Variants in NFATC4 observed in about 807,000 individuals in gnomAD.
The protein encoded by NFATC4 is nuclear factor of activated T-cells, cytoplasmic 4.
A neutral mutation model predicts 73.4 loss-of-function variants in NFATC4; 25 were observed. The observed-to-expected ratio is 0.34, with a 90% CI of 0.25 to 0.48. The LOEUF (loss-of-function observed/expected upper bound fraction) is 0.48. Among genes scored for constraint, NFATC4 ranks in the 20% least tolerant of loss-of-function variants. NFATC4 has a pLI of 0.99. For missense variants in NFATC4, 1,130 were observed against 1,203.7 expected (o/e 0.94, Z 0.91); for synonymous variants, 523 against 510.3 (o/e 1.02, Z -0.34).
At chr14:24,367,231 CT>C, upstream of NFATC4, 1 of 1,611,750 alleles carries the variant, frequency 6.2e-7, no homozygotes, top group East Asian at 2.2e-5. Context: ...GGTGTCCAGC[CT>C]GTTGGGGGCG....
In NFATC4 at chr14:24,377,196, C is replaced by T. The variant is rs891275217; in HGVS notation, c.2641+318C>T. Reference sequence around the variant, plus strand: ...AGCGCATTCAATTTGCAAGTTTAGGCGTTGAGTTCCAGAGAGGGATGGTAG... The same window carrying T: ...AGCGCATTCAATTTGCAAGTTTAGGTGTTGAGTTCCAGAGAGGGATGGTAG... On this transcript the variant is annotated intron_variant, in intron 9 of 9. Coordinates refer to ENST00000250373, the MANE Select transcript of NFATC4 (RefSeq NM_004554.5). This position sits in a 1 kb window ranked among gnomAD's most constrained non-coding sequence, Gnocchi z 4.2. 72 of 1,267,404 alleles carry T rather than the reference C, an allele frequency of 5.7e-5. No homozygotes were observed. Among genetic ancestry groups the T allele is most frequent in the Non-Finnish European group, 6.9e-5 (70 of 1,008,746 alleles). 78.5% of individuals were successfully genotyped at this position (1,267,404 alleles called of 1,614,324 possible). A position where few individuals can be genotyped will look rare whatever the true frequency, so the allele number is the denominator to read the frequency against.
In NFATC4 at chr14:24,369,545, A is replaced by G. The variant is rs534010415; in HGVS notation, c.147A>G (p.Gly49=). The G allele has an allele frequency of 6.2e-7, 1 of 1,609,878 alleles. No individual in the cohort carries two copies. The highest frequency in any genetic ancestry group is 1.7e-5 in the Admixed American group (1 of 59,864). ...CGCCATGCTGCCGTCTGGCCTTGGG[A>G]GAGCCCCCTCCCTATGGCGCTGCAC... The part of the protein sequence containing the change: ...DAPPCCRLAL[G]EPPPYGAAPI... Residue 49 remains glycine, a synonymous_variant, in exon 2 of 10, where the codon GGA becomes GGG. Coordinates refer to ENST00000250373, the MANE Select transcript of NFATC4 (RefSeq NM_004554.5).
chr14:24,374,202 G>A, intron 5 of NFATC4, 124 bp from the exon 6 acceptor site: 1 of 1,209,200 alleles, frequency 8.3e-7, no homozygotes, highest in Non-Finnish European at 1.2e-6. Context: ...GTTTATTTGT[G>A]TGTCTACTGC....
At chr14:24,374,021 C>T (rs776251655) in intron 5 of NFATC4, 154 bp downstream of exon 5, 11 of 1,164,380 alleles carry the variant, frequency 9.4e-6, no homozygotes, top group Non-Finnish European at 1.4e-5. Context: ...TCTAGTTTGC[C>T]CCTGCCACAG....
At chr14:24,367,169 T>C (rs1201323847), upstream of NFATC4, 1 of 1,613,692 alleles carries the variant, frequency 6.2e-7, no homozygotes, top group Non-Finnish European at 8.5e-7. Flanking sequence ...CAAGCCTGAC[T>C]TTCCCGGAAA....
intron 1 of NFATC4, chr14:24,369,188 A>C: frequency 6.6e-7 from 1 of 1,515,658 alleles, no homozygotes; most frequent in Non-Finnish European, 8.8e-7. Context: ...CCAGTGCCTC[A>C]AGAAACACGC....
chr14:24,377,445 T>C lies in NFATC4; in HGVS notation c.2642-193T>C. ...TGCCTGGGAGCCCACATGGAGGGAG[T>C]TGGGCAAGATTTGATTCGGAGCAGG... On this transcript the variant is annotated intron_variant, in intron 9 of 9. Coordinates refer to ENST00000250373, the MANE Select transcript of NFATC4 (RefSeq NM_004554.5). The surrounding 1 kb of genome is among the most constrained non-coding windows in gnomAD (Gnocchi z 4.2). 7.0e-7 allele frequency: 1 copy of C among 1,420,936 alleles called. No homozygotes were observed. The highest frequency in any genetic ancestry group is 9.2e-7 in the Non-Finnish European group (1 of 1,090,436). 88.0% of individuals were successfully genotyped at this position (1,420,936 alleles called of 1,614,324 possible). A position where few individuals can be genotyped will look rare whatever the true frequency, so the allele number is the denominator to read the frequency against.
In NFATC4 at chr14:24,377,875, C is replaced by A. The variant is rs1459437787; in HGVS notation, c.*170C>A. On this transcript the variant is annotated 3_prime_UTR_variant, in exon 10 of 10. Coordinates refer to ENST00000250373, the MANE Select transcript of NFATC4 (RefSeq NM_004554.5). The surrounding 1 kb of genome is among the most constrained non-coding windows in gnomAD (Gnocchi z 4.2). Reference sequence around the variant, plus strand: ...CTCCCCTCCCCCAGCTGAGGTGTGGCCCTCAGGCCTGGTGCTGCCTTGGAG... The same window carrying A: ...CTCCCCTCCCCCAGCTGAGGTGTGGACCTCAGGCCTGGTGCTGCCTTGGAG... 1.5e-6 allele frequency: 2 copies of A among 1,354,046 alleles called. No individual in the cohort carries two copies. Among genetic ancestry groups the A allele is most frequent in the Non-Finnish European group, 2.0e-6 (2 of 1,008,932 alleles). The allele number at this position is 1,354,046 out of a possible 1,614,324, so 83.9% of individuals were successfully genotyped here.
At chr14:24,374,165 G>A (rs1024607709) in intron 5 of NFATC4, 161 bp from the exon 6 acceptor site, 2 of 1,001,832 alleles carry the variant, frequency 2.0e-6, no homozygotes, top group Non-Finnish European at 3.0e-6. Context: ...CCCTTACATG[G>A]TGTATGTGAC....
At position 24,373,295 on chromosome 14, in the gene NFATC4, C is replaced by T; in HGVS notation, c.1484C>T (p.Ala495Val). The change falls in exon 4 of 10, where the codon GCC (alanine) becomes GTC (valine). Residue 495 changes from alanine to valine, a missense_variant. Physicochemically the swap from Ala to Val is moderately conservative, Grantham distance 64. Around this residue, in one of 3 missense-constraint regions of NFATC4, gnomAD observed 155 missense variants for 221.2 expected, o/e 0.70. Coordinates refer to ENST00000250373, the MANE Select transcript of NFATC4 (RefSeq NM_004554.5). The surrounding 1 kb of genome is among the most constrained non-coding windows in gnomAD (Gnocchi z 4.7). Reference sequence around the variant, plus strand: ...ATCACAGGCAAGATGGTGGCCACGGCCAGCTATGAAGCCGTAGTCAGTGGC... The same window carrying T: ...ATCACAGGCAAGATGGTGGCCACGGTCAGCTATGAAGCCGTAGTCAGTGGC... ...HRITGKMVAT[A>V]SYEAVVSGTK... The T allele has an allele frequency of 6.2e-7, 1 of 1,614,216 alleles. No individual in the cohort carries two copies. The highest frequency in any genetic ancestry group is 8.5e-7 in the Non-Finnish European group (1 of 1,180,046).
At chr14:24,372,237 T>G in intron 2 of NFATC4, 4 of 581,796 alleles carry the variant, frequency 6.9e-6, no homozygotes, top group East Asian at 3.0e-5. Context: ...CTTCTGGACT[T>G]TTGGATTTCT....
At position 24,373,618 on chromosome 14, in the gene NFATC4, G is replaced by T; in HGVS notation, c.1560-77G>T. ...TCATTCAAGGCTTTGGATGGAGGGCGGGAACTTCCCTCTTTAGGGATGTAT... is the reference window on the plus strand; with the variant it reads ...TCATTCAAGGCTTTGGATGGAGGGCTGGAACTTCCCTCTTTAGGGATGTAT... On this transcript the variant is annotated intron_variant, in intron 4 of 9. Transcript: ENST00000250373. This position sits in a 1 kb window ranked among gnomAD's most constrained non-coding sequence, Gnocchi z 4.7. 1.3e-6 allele frequency: 2 copies of T among 1,541,390 alleles called. No individual in the cohort carries two copies. The highest frequency in any genetic ancestry group is 2.5e-5 in the South Asian group (2 of 79,676).
rs2042361182 is a variant in NFATC4, at chr14:24,368,292, A to T, written c.-49A>T. 7.3e-7 allele frequency: 1 copy of T among 1,376,256 alleles called. No individual in the cohort carries two copies. The highest frequency in any genetic ancestry group is 9.4e-7 in the Non-Finnish European group (1 of 1,065,566). The allele number at this position is 1,376,256 out of a possible 1,614,324, so 85.3% of individuals were successfully genotyped here. A position where few individuals can be genotyped will look rare whatever the true frequency, so the allele number is the denominator to read the frequency against. ...CGGGTGAAGATACAGCAGCCTCCTGAACTCCCCCCTCCCACCCAGGCCGGG... is the reference window on the plus strand; with the variant it reads ...CGGGTGAAGATACAGCAGCCTCCTGTACTCCCCCCTCCCACCCAGGCCGGG... On this transcript the variant is annotated 5_prime_UTR_variant, in exon 1 of 10. Transcript: ENST00000250373.
Position 24,368,965 on chromosome 14 carries a change from G to A in NFATC4, c.100+525G>A, listed in dbSNP as rs1227535129. 4.1e-6 allele frequency: 4 copies of A among 986,272 alleles called. No homozygotes were observed. In the African/African-American group the frequency reaches 5.1e-5, roughly 13 times the overall value. 61.1% of individuals were successfully genotyped at this position (986,272 alleles called of 1,614,324 possible). ...GCTGCCCGCTGCCCCCCTTCCCCCG[G>A]CTGGGCCCAGCACGCATCACCCCCT... is the stretch of plus-strand genomic sequence containing the variant. On this transcript the variant is annotated intron_variant, in intron 1 of 9. Transcript: ENST00000250373.
chr14:24,375,958 T>G lies in NFATC4; in HGVS notation c.1930-17T>G. 6.2e-7 allele frequency: 1 copy of G among 1,613,710 alleles called. No homozygotes were observed. Among genetic ancestry groups the G allele is most frequent in the Middle Eastern group, 1.7e-4 (1 of 6,012 alleles). ...AGATGCCCGAGGGCTCCCTGCCTCA[T>G]TTTTACTCTTCCCTAGGTGACGCTG... is the stretch of plus-strand genomic sequence containing the variant. On this transcript the variant is annotated splice_polypyrimidine_tract_variant and intron_variant, in intron 7 of 9. Transcript: ENST00000250373.
In NFATC4 at chr14:24,370,150, G is replaced by A. The variant is rs2139283618; in HGVS notation, c.752G>A (p.Ser251Asn). ...CCAGAGGATAGCTGGCTACTCCTCA[G>A]TGCTCCTGGGCCCACCCCAGCCTCC... ...RGPEDSWLLLSAPGPTPASPR... is the reference protein window; with the variant it reads ...RGPEDSWLLLNAPGPTPASPR... Residue 251 changes from serine to asparagine, a missense_variant, in exon 2 of 10, where the codon AGT becomes AAT. Physicochemically the swap from Ser to Asn is conservative, Grantham distance 46. This residue lies in a region of NFATC4 where 585 missense variants were observed against 574.3 expected (regional missense o/e 1.02). Coordinates refer to ENST00000250373, the MANE Select transcript of NFATC4 (RefSeq NM_004554.5). 5 of 1,603,714 alleles carry A rather than the reference G, an allele frequency of 3.1e-6. No homozygotes were observed. Among genetic ancestry groups the A allele is most frequent in the Non-Finnish European group, 4.2e-6 (5 of 1,179,676 alleles).
intron 7 of NFATC4, 34 bp downstream of exon 7, chr14:24,375,749 GGGGGT>G: frequency 1.4e-6 from 2 of 1,442,270 alleles, no homozygotes; most frequent in Non-Finnish European, 1.9e-6. Flanking sequence ...CCTGGGGGGC[GGGGGT>G]GGGAGAAGGC....
rs775812863 is a variant in NFATC4 at position 24,368,408 on chromosome 14, C to T, written c.68C>T (p.Ala23Val). The change falls in exon 1 of 10, where the codon GCC (alanine) becomes GTC (valine). Residue 23 changes from alanine to valine, a missense_variant. Ala to Val is a moderately conservative substitution (Grantham distance 64). Around this residue, in one of 3 missense-constraint regions of NFATC4, gnomAD observed 585 missense variants for 574.3 expected, o/e 1.02. Transcript: ENST00000250373. ...FKLVFGEEKE[A>V]PPLGAGGLGE... ...CTGGTGTTCGGGGAGGAAAAGGAGG[C>T]CCCCCCGCTGGGCGCGGGGGGATTG... 12 of 1,345,382 alleles carry T rather than the reference C, an allele frequency of 8.9e-6. No homozygotes were observed. The highest frequency in any genetic ancestry group is 1.1e-5 in the Non-Finnish European group (11 of 1,046,224). 83.3% of individuals were successfully genotyped at this position (1,345,382 alleles called of 1,614,324 possible).
chr14:24,376,719 T>A lies in NFATC4; in HGVS notation c.2482T>A (p.Ser828Thr). The A allele has an allele frequency of 3.1e-6, 5 of 1,613,808 alleles. No homozygotes were observed. The highest frequency in any genetic ancestry group is 3.4e-6 in the Non-Finnish European group (4 of 1,179,956). The change falls in exon 9 of 10, where the codon TCC (serine) becomes ACC (threonine). Residue 828 changes from serine to threonine, a missense_variant. Around this residue, in one of 3 missense-constraint regions of NFATC4, gnomAD observed 390 missense variants for 408.1 expected, o/e 0.96. Transcript: ENST00000250373. This position sits in a 1 kb window ranked among gnomAD's most constrained non-coding sequence, Gnocchi z 5.0. ...CCCACCGCTTGAAGGCCCCTTCCCT[T>A]CCCAGAGTGATGTGCATCCCCTACC... ...ASPPLEGPFP[S>T]QSDVHPLPAE...
Sources: gnomAD v4.1 joint callset for allele counts on GRCh38, gnomAD v4.1.1 for gene constraint, gnomAD v4.1.1 regional missense constraint, Gnocchi (gnomAD v3.1) non-coding constraint, MANE v1.5 for transcripts, NCBI Gene and HGNC (gene_info 2026-07-23, HGNC 2026-07-21) for gene names.